SEC14L1: variants seen among roughly 807,000 people sequenced by gnomAD.
SEC14L1 encodes the protein SEC14 like lipid binding 1.
Under a neutral mutation model 85.3 loss-of-function variants are expected in SEC14L1, and 48 were observed. That is an observed-to-expected ratio of 0.56 (90% CI 0.45 to 0.72). SEC14L1 has a LOEUF of 0.72. Ranked by LOEUF, SEC14L1 falls within the 30% of genes least tolerant of loss-of-function variation. The probability of loss-of-function intolerance (pLI) is 0.00; values close to 1 mark genes in which losing one functional copy is unlikely to be tolerated. For synonymous variants in SEC14L1, 391 were observed against 355.5 expected, an observed-to-expected ratio of 1.10 and a Z score of -1.12; for missense variants, 682 against 921.4, an observed-to-expected ratio of 0.74 and a Z score of 3.36.
At chr17:77,211,727 T>C (rs193140664) in intron 14 of SEC14L1, 1,367 of 589,766 alleles carry the variant, frequency 2.3e-3, no homozygotes, top group Middle Eastern at 3.7e-3. Context: ...TAGGTGCAGG[T>C]CACAAAGAAC....
intron 3 of SEC14L1, among the ~76,000 whole-genome samples, chr17:77,151,751 C>T (rs1007618032): frequency 2.6e-5 from 4 of 152,098 alleles, no homozygotes; most frequent in African/African-American, 9.7e-5. Context: ...GCCCGTAATC[C>T]CAGCACTTTG....
chr17:77,180,025 A>G (rs575354954), intron 3 of SEC14L1, among the ~76,000 whole-genome samples: 22 of 147,432 alleles, frequency 1.5e-4, no homozygotes, highest in African/African-American at 3.3e-4. Context: ...GTTTTGTTTT[A>G]TTTTGATGTT....
chr17:77,099,761 A>C (rs1971724358), intron 3 of SEC14L1, among the ~76,000 whole-genome samples: 1 of 152,094 alleles, frequency 6.6e-6, no homozygotes, highest in South Asian at 2.1e-4. Context: ...CTCAAACAAA[A>C]ACAAAAAAAA....
At chr17:77,142,774 C>T (rs181474611) in intron 2 of SEC14L1, 24 bp downstream of exon 2, 1 of 152,130 alleles carries the variant, frequency 6.6e-6, no homozygotes, top group African/African-American at 2.4e-5. Context: ...ATTTTTCTTT[C>T]TCACTTTAAA....
intron 3 of SEC14L1, among the ~76,000 whole-genome samples, chr17:77,170,138 G>A (rs997602253): frequency 2.6e-5 from 4 of 152,178 alleles, no homozygotes; most frequent in African/African-American, 7.2e-5. Flanking sequence ...TAAAAGTAAT[G>A]GTTTGAGGGG....
chr17:77,195,187 G>T (rs535419152), intron 7 of SEC14L1, among the ~76,000 whole-genome samples: 1 of 152,048 alleles, frequency 6.6e-6, no homozygotes, highest in Non-Finnish European at 1.5e-5. Flanking sequence ...TAAGAAATGG[G>T]GTCTCACTGT....
chr17:77,109,081 C>A (rs990770229), intron 3 of SEC14L1, among the ~76,000 whole-genome samples: 12 of 152,198 alleles, frequency 7.9e-5, no homozygotes, highest in African/African-American at 2.7e-4. Flanking sequence ...CTTGGCCTCC[C>A]AAAGTGCTGG....
At position 77,215,677 on chromosome 17, in the gene SEC14L1, C is replaced by T. The variant is rs1977001214; in HGVS notation, c.*1654C>T. The T allele has an allele frequency of 1.0e-6, 1 of 993,642 alleles. No individual in the cohort carries two copies. Among genetic ancestry groups the T allele is most frequent in the South Asian group, 4.3e-5 (1 of 23,078 alleles). 61.6% of individuals were successfully genotyped at this position (993,642 alleles called of 1,614,324 possible). On this transcript the variant is annotated 3_prime_UTR_variant, in exon 17 of 17. Transcript: ENST00000436233. ...GTGTTTGCTCTTAGAGATCGAGCTC[C>T]TCAGTGGTACCTGAAGCCTTTGCTT...
intron 3 of SEC14L1, among the ~76,000 whole-genome samples, chr17:77,154,397 A>G (rs932865301): frequency 6.6e-5 from 10 of 152,216 alleles, no homozygotes; most frequent in Non-Finnish European, 4.4e-5. Flanking sequence ...GTTTGAGCCT[A>G]GGAGTTTGAG....
In SEC14L1 at chr17:77,144,032, A is replaced by G. The variant is rs567892558; in HGVS notation, c.63+373A>G. Among the ~76,000 whole-genome samples, 9 of 152,160 alleles carry G rather than the reference A, an allele frequency of 5.9e-5. No individual in the cohort carries two copies. In the Middle Eastern group the frequency reaches 0.014, roughly 232 times the overall value. ...GCTCGTGTGGAAGAGTGCTCTGCCTATGGGTGAATTCACTTTAGGTGGTGT... is the reference window on the plus strand; with the variant it reads ...GCTCGTGTGGAAGAGTGCTCTGCCTGTGGGTGAATTCACTTTAGGTGGTGT... On this transcript the variant is annotated intron_variant, in intron 3 of 16. Coordinates refer to ENST00000436233, the MANE Select transcript of SEC14L1 (RefSeq NM_001143998.2).
At chr17:77,154,783 G>C (rs890823649) in intron 3 of SEC14L1, among the ~76,000 whole-genome samples, 1 of 152,066 alleles carries the variant, frequency 6.6e-6, no homozygotes, top group Admixed American at 6.6e-5. Flanking sequence ...GTACTGCCAT[G>C]TGTATCAGTA....
Position 77,157,616 on chromosome 17 carries a change from C to T in SEC14L1, c.63+13957C>T, listed in dbSNP as rs545541675. Among the ~76,000 whole-genome samples, 8 of 152,144 alleles carry T rather than the reference C, an allele frequency of 5.3e-5. No homozygotes were observed. In the South Asian group the frequency reaches 1.7e-3, roughly 32 times the overall value. On this transcript the variant is annotated intron_variant, in intron 3 of 16. Transcript: ENST00000436233. Reference sequence around the variant, plus strand: ...GATCTCGGCTCACTGCAGCCTCCACCTCCCAGGTTCAAGCGATTCTTCTGC... The same window carrying T: ...GATCTCGGCTCACTGCAGCCTCCACTTCCCAGGTTCAAGCGATTCTTCTGC...
intron 3 of SEC14L1, among the ~76,000 whole-genome samples, chr17:77,096,378 G>T (rs1971643949): frequency 6.6e-6 from 1 of 151,904 alleles, no homozygotes; most frequent in Admixed American, 6.6e-5. Context: ...CCAACATGCT[G>T]AAACCCTGTC....
At chr17:77,113,315 A>AT (rs2143371438) in intron 3 of SEC14L1, among the ~76,000 whole-genome samples, 1 of 152,312 alleles carries the variant, frequency 6.6e-6, no homozygotes, top group East Asian at 1.9e-4. Flanking sequence ...TTCCCTGTCT[A>AT]TAAGAAGTCA....
At position 77,212,101 on chromosome 17, in the gene SEC14L1, G is replaced by C. The variant is rs147239749; in HGVS notation, c.1763G>C (p.Gly588Ala). 194 of 1,614,182 alleles carry C rather than the reference G, an allele frequency of 1.2e-4. 1 individual carries two copies. In the African/African-American group the frequency reaches 2.4e-3, roughly 20 times the overall value. The change falls in exon 15 of 17, where the codon GGT (glycine) becomes GCT (alanine). Residue 588 changes from glycine (G) to alanine (A), a missense_variant. Around this residue, in one of 3 missense-constraint regions of SEC14L1, gnomAD observed 420 missense variants for 619.5 expected, o/e 0.68. Coordinates refer to ENST00000436233, the MANE Select transcript of SEC14L1 (RefSeq NM_001143998.2). ...SLGAHSITSP[G>A]GNNVQLIDKV... ...GGAGCCCACAGCATCACCTCTCCGGGTGGGAACAATGTGCAGCTCATAGAC... is the reference window on the plus strand; with the variant it reads ...GGAGCCCACAGCATCACCTCTCCGGCTGGGAACAATGTGCAGCTCATAGAC...
At chr17:77,089,170 GAA>G in exon 2 of SEC14L1, 1 of 343,072 alleles carries the variant, frequency 2.9e-6, no homozygotes, top group South Asian at 2.5e-5. Flanking sequence ...CAGAAAATGA[GAA>G]ATATCCCCCG....
In SEC14L1 at chr17:77,158,798, C is replaced by CTTTTTTTTTTTTTTTTTTTTT. The variant is rs34186028; in HGVS notation, c.63+15152_63+15172dup. 1.5e-4 allele frequency among the ~76,000 whole-genome samples: 6 copies of CTTTTTTTTTTTTTTTTTTTTT among 39,188 alleles called. 2 individuals carry two copies. Among genetic ancestry groups the CTTTTTTTTTTTTTTTTTTTTT allele is most frequent in the Admixed American group, 3.8e-4 (1 of 2,636 alleles). 25.7% of individuals were successfully genotyped at this position (39,188 alleles called of 152,430 possible). On this transcript the variant is annotated intron_variant, in intron 3 of 16. Transcript: ENST00000436233. Reference sequence around the variant, plus strand: ...CAATTACATTTTATAGCTTTCTTTCCTTTTTTTTTTTTTTTTTTTTTTTTT... The same window carrying CTTTTTTTTTTTTTTTTTTTTT: ...CAATTACATTTTATAGCTTTCTTTCCTTTTTTTTTTTTTTTTTTTTTTTTTTTTTTTTTTTTTTTTTTTTTT...
chr17:77,105,532 C>T (rs1022645287), intron 3 of SEC14L1, among the ~76,000 whole-genome samples: 3 of 151,962 alleles, frequency 2.0e-5, no homozygotes, highest in African/African-American at 7.3e-5. Flanking sequence ...GATTAACCTC[C>T]GAAAGATTAA....
chr17:77,125,486 T>C (rs973979480), intron 3 of SEC14L1, among the ~76,000 whole-genome samples: 27 of 151,886 alleles, frequency 1.8e-4, no homozygotes, highest in African/African-American at 6.5e-4. Context: ...TCAGGAGCTA[T>C]GCTATAAATC....
Sources: gnomAD v4.1 joint callset for allele counts (sites outside exome capture counted in the v4.1 genomes callset) on GRCh38, gnomAD v4.1.1 for gene constraint, gnomAD v4.1.1 regional missense constraint, MANE v1.5 for transcripts, NCBI Gene and HGNC (gene_info 2026-07-23, HGNC 2026-07-21) for gene names.